FAM169A: variants seen among roughly 807,000 people sequenced by gnomAD.
The protein encoded by FAM169A is soluble lamin-associated protein of 75 kDa.
In FAM169A, 24 loss-of-function variants were observed where a neutral mutation model predicts 75.7. The observed-to-expected ratio is 0.32, with a 90% CI of 0.23 to 0.45. The LOEUF is 0.45. Among genes scored for constraint, FAM169A ranks in the 20% least tolerant of loss-of-function variants. The pLI is 1.00. For missense variants in FAM169A, 673 were observed against 784.0 expected (o/e 0.86, Z 1.69); for synonymous variants, 271 against 271.0 (o/e 1.00, Z 0.00).
At chr5:74,792,560 GA>G (rs1198667494) in intron 11 of FAM169A, among the ~76,000 whole-genome samples, 4 of 152,102 alleles carry the variant, frequency 2.6e-5, no homozygotes, top group African/African-American at 9.7e-5. Context: ...CCACCTTGCA[GA>G]TGGCCTACTG....
At chr5:74,804,135 A>AATATATAC (rs1580101066) in intron 8 of FAM169A, among the ~76,000 whole-genome samples, 2 of 152,124 alleles carry the variant, frequency 1.3e-5, no homozygotes, top group East Asian at 3.8e-4. Flanking sequence ...ATAAAAATAC[A>AATATATAC]ATATATACAG....
At chr5:74,861,144 A>G (rs1287941508) in intron 1 of FAM169A, among the ~76,000 whole-genome samples, 2 of 152,208 alleles carry the variant, frequency 1.3e-5, no homozygotes, top group Admixed American at 1.3e-4. Flanking sequence ...TCAAAAATAA[A>G]AACAGTCTAA....
At chr5:74,785,717 G>A (rs563344669) in intron 11 of FAM169A, among the ~76,000 whole-genome samples, 66 of 152,284 alleles carry the variant, frequency 4.3e-4, no homozygotes, top group Non-Finnish European at 8.1e-4. Context: ...AGCTGAGTTC[G>A]TGCCACTGCA....
chr5:74,845,536 A>T (rs1393109982), intron 1 of FAM169A, among the ~76,000 whole-genome samples: 1 of 152,154 alleles, frequency 6.6e-6, no homozygotes, highest in African/African-American at 2.4e-5. Context: ...CAAATAAATA[A>T]ATAAATAAAA....
chr5:74,860,584 C>G (rs2112747668), intron 1 of FAM169A, among the ~76,000 whole-genome samples: 1 of 152,228 alleles, frequency 6.6e-6, no homozygotes, highest in East Asian at 1.9e-4. Flanking sequence ...TCAGGACAAT[C>G]TGACTTTCTG....
intron 5 of FAM169A, among the ~76,000 whole-genome samples, chr5:74,814,246 C>T (rs1747356861): frequency 6.6e-6 from 1 of 152,022 alleles, no homozygotes. Context: ...GTAGTATCAT[C>T]AAATATAGGA....
intron 10 of FAM169A, among the ~76,000 whole-genome samples, chr5:74,798,540 C>T (rs1157043999): frequency 1.3e-5 from 2 of 151,776 alleles, no homozygotes; most frequent in Admixed American, 6.6e-5. Flanking sequence ...ACTTTATTAC[C>T]CAAATTTAAA....
At chr5:74,858,180 G>A (rs1749823236) in intron 1 of FAM169A, among the ~76,000 whole-genome samples, 1 of 151,874 alleles carries the variant, frequency 6.6e-6, no homozygotes, top group African/African-American at 2.4e-5. Context: ...GAGATCAGGA[G>A]TTTGAGACCA....
chr5:74,796,466 C>T (rs1207244171), intron 10 of FAM169A, among the ~76,000 whole-genome samples: 7 of 151,526 alleles, frequency 4.6e-5, no homozygotes, highest in African/African-American at 1.7e-4. Context: ...AGTGCAATGG[C>T]GCGATCTCGG....
chr5:74,803,221 T>C (rs540090561), intron 8 of FAM169A, among the ~76,000 whole-genome samples: 131 of 152,232 alleles, frequency 8.6e-4, no homozygotes, highest in Middle Eastern at 6.8e-3. Flanking sequence ...AAATCATTGC[T>C]CTCGTTACAT....
intron 11 of FAM169A, among the ~76,000 whole-genome samples, chr5:74,792,030 C>A (rs186905737): frequency 6.6e-6 from 1 of 152,310 alleles, no homozygotes; most frequent in East Asian, 1.9e-4. Flanking sequence ...TTATTGACAT[C>A]ATATCAGCAT....
intron 4 of FAM169A, among the ~76,000 whole-genome samples, chr5:74,838,007 C>T (rs1010862175): frequency 6.6e-6 from 1 of 150,800 alleles, no homozygotes; most frequent in Admixed American, 6.6e-5. Flanking sequence ...ATCCCAGCTA[C>T]TCGGGAGACA....
rs1211172605 is a variant in FAM169A at position 74,824,225 on chromosome 5, G to C, written c.490+10201C>G. ...CCCCAAAATATTAAGTCTTCAAATT[G>C]GATCAAGGCAATTGACAGTTGAAGC... On this transcript the variant is annotated intron_variant, in intron 5 of 12. Coordinates refer to ENST00000687041, the MANE Select transcript of FAM169A (RefSeq NM_001376049.1). Among the ~76,000 whole-genome samples, 4 of 152,202 alleles carry C rather than the reference G, an allele frequency of 2.6e-5. No homozygotes were observed. In the East Asian group the frequency reaches 7.7e-4, roughly 29 times the overall value.
intron 1 of FAM169A, among the ~76,000 whole-genome samples, chr5:74,863,332 T>C (rs16872362): frequency 0.15 from 22,301 of 152,186 alleles, 1,880 homozygotes; most frequent in African/African-American, 0.23. Flanking sequence ...GCATACCAAA[T>C]TTAGAACTTA....
chr5:74,821,794 A>G (rs886349247), intron 5 of FAM169A, among the ~76,000 whole-genome samples: 4 of 152,156 alleles, frequency 2.6e-5, no homozygotes, highest in African/African-American at 9.7e-5. Flanking sequence ...CCCAAAACAT[A>G]TTGGCTTAGA....
At chr5:74,819,910 C>T (rs1442410528) in intron 5 of FAM169A, among the ~76,000 whole-genome samples, 2 of 150,546 alleles carry the variant, frequency 1.3e-5, no homozygotes, top group East Asian at 3.9e-4. Flanking sequence ...GTTTCTTTAG[C>T]GGAGGGATGA....
At chr5:74,800,155 G>T in intron 10 of FAM169A, 1 of 451,360 alleles carries the variant, frequency 2.2e-6, no homozygotes. Flanking sequence ...TGGCTAGGAA[G>T]CCAGCCCCAA....
chr5:74,863,565 C>G (rs1228308624), intron 1 of FAM169A, among the ~76,000 whole-genome samples: 1 of 152,166 alleles, frequency 6.6e-6, no homozygotes, highest in East Asian at 1.9e-4. Flanking sequence ...TTATGTTGTA[C>G]TTACCTTTAA....
chr5:74,791,803 G>T (rs991048768), intron 11 of FAM169A, among the ~76,000 whole-genome samples: 1 of 152,218 alleles, frequency 6.6e-6, no homozygotes, highest in Non-Finnish European at 1.5e-5. Context: ...ACCCACTAAG[G>T]TGCTTGCTGA....
Sources: gnomAD v4.1 joint callset for allele counts (sites outside exome capture counted in the v4.1 genomes callset) on GRCh38, gnomAD v4.1.1 for gene constraint, MANE v1.5 for transcripts, NCBI Gene and HGNC (gene_info 2026-07-23, HGNC 2026-07-21) for gene names.